Variants in DDX28 observed in about 807,000 individuals in gnomAD.
DDX28 encodes DEAD-box helicase 28, also known as probable ATP-dependent RNA helicase DDX28.
A neutral mutation model predicts 26.8 loss-of-function variants in DDX28; 25 were observed. That is an observed-to-expected ratio of 0.93 (90% CI 0.68 to 1.30). DDX28 has a LOEUF of 1.30. Among genes scored for constraint, DDX28 ranks in the 50% most tolerant of loss-of-function variants. The pLI is 0.00. For synonymous variants in DDX28, 370 were observed against 311.9 expected, an observed-to-expected ratio of 1.19 and a Z score of -1.96; for missense variants, 790 against 695.1, an observed-to-expected ratio of 1.14 and a Z score of -1.53.
rs746480043 is a variant in DDX28, at chr16:68,022,233, C to A, written c.970G>T (p.Ala324Ser). 3 of 1,614,238 alleles carry A rather than the reference C, an allele frequency of 1.9e-6. 1 individual carries two copies. The South Asian group carries it at 3.3e-5, about 18-fold the overall frequency. ...ADLEDPFNPK[A>S]QLVLVGATFP... ...GTGGCTCCTACCAGCACTAACTGAG[C>A]TTTGGGATTGAAGGGGTCTTCCAAG... The change falls in exon 1 of 1, where the codon GCT becomes TCT. Residue 324 changes from alanine to serine, a missense_variant. Coordinates refer to ENST00000332395, the MANE Select transcript of DDX28 (RefSeq NM_018380.4).
rs748709285 is a variant in DDX28 at position 68,021,531 on chromosome 16, T to C, written c.*49A>G. 8.3e-6 allele frequency: 13 copies of C among 1,571,260 alleles called. No individual in the cohort carries two copies. The highest frequency in any genetic ancestry group is 3.5e-6 in the Non-Finnish European group (4 of 1,156,494). On this transcript the variant is annotated 3_prime_UTR_variant, in exon 1 of 1. Transcript: ENST00000332395. ...AAGTGTGGTCACCCACTCAAGATACTGGGAAAGATCCCTGTTCTAGCATCA... is the reference window on the plus strand; with the variant it reads ...AAGTGTGGTCACCCACTCAAGATACCGGGAAAGATCCCTGTTCTAGCATCA...
rs1216388585 is a variant in DDX28, at chr16:68,022,558, C to G, written c.645G>C (p.Leu215Phe). 3 of 1,613,818 alleles carry G rather than the reference C, an allele frequency of 1.9e-6. No individual in the cohort carries two copies. The highest frequency in any genetic ancestry group is 2.5e-6 in the Non-Finnish European group (3 of 1,180,016). ...GGGCCACAGCCCGCACCTGTTGGGC[C>G]AATTCTCGGGAAGGAACAAGGACCA... ...RGLVLVPSRELAQQVRAVAQP... is the reference protein window; with the variant it reads ...RGLVLVPSREFAQQVRAVAQP... The change falls in exon 1 of 1, where the codon TTG becomes TTC. Residue 215 changes from leucine to phenylalanine, a missense_variant. Transcript: ENST00000332395.
Position 68,021,520 on chromosome 16 carries a change from A to C in DDX28, c.*60T>G. The C allele has an allele frequency of 6.4e-7, 1 of 1,556,498 alleles. No homozygotes were observed. The highest frequency in any genetic ancestry group is 8.7e-7 in the Non-Finnish European group (1 of 1,147,480). ...CTCCCACTGACAAGTGTGGTCACCC[A>C]CTCAAGATACTGGGAAAGATCCCTG... is the stretch of plus-strand genomic sequence containing the variant. On this transcript the variant is annotated 3_prime_UTR_variant, in exon 1 of 1. Transcript: ENST00000332395.
chr16:68,022,620 T>C lies in DDX28; in HGVS notation c.583A>G (p.Ser195Gly), dbSNP rs1598294947. 1.9e-6 allele frequency: 3 copies of C among 1,613,426 alleles called. No homozygotes were observed. The highest frequency in any genetic ancestry group is 1.7e-6 in the Non-Finnish European group (2 of 1,179,918). ...GCGGGGATAGGAAGGGAGTCCAGGC[T>C]TGGCTGGCCCAAGAGCCGTTGAAGC... ...PLLQRLLGQP[S>G]LDSLPIPAPR... Residue 195 changes from serine (S) to glycine (G), a missense_variant, in exon 1 of 1, where the codon AGC (serine) becomes GGC (glycine). Coordinates refer to ENST00000332395, the MANE Select transcript of DDX28 (RefSeq NM_018380.4).
In DDX28 at chr16:68,022,187, T is replaced by A. The variant is rs1283942012; in HGVS notation, c.1016A>T (p.Gln339Leu). ...VGATFPEGVG[Q>L]LLNKVASPDA... is the part of the protein sequence containing the mutation. ...TGGGCTGGCGACTTTATTCAGCAAC[T>A]GGCCTACACCTTCGGGAAATGTGGC... The change falls in exon 1 of 1, where the codon CAG becomes CTG. Residue 339 changes from glutamine (Q) to leucine (L), a missense_variant. Transcript: ENST00000332395. 5 of 1,614,200 alleles carry A rather than the reference T, an allele frequency of 3.1e-6. No individual in the cohort carries two copies. In the Admixed American group the frequency reaches 6.7e-5, roughly 22 times the overall value.
rs780811590 is a variant in DDX28 at position 68,023,214 on chromosome 16, T to G, written c.-12A>C. The G allele has an allele frequency of 6.2e-7, 1 of 1,602,654 alleles. No individual in the cohort carries two copies. Among genetic ancestry groups the G allele is most frequent in the South Asian group, 1.1e-5 (1 of 89,940 alleles). On this transcript the variant is annotated 5_prime_UTR_variant, in exon 1 of 1. Transcript: ENST00000332395. Reference sequence around the variant, plus strand: ...CGCGTTAGAGCCATGTTTCCCTTAGTGCGGGAGAAGCGCACATCAGTGACG... The same window carrying G: ...CGCGTTAGAGCCATGTTTCCCTTAGGGCGGGAGAAGCGCACATCAGTGACG...
chr16:68,021,447 C>T lies in DDX28; in HGVS notation c.*133G>A. The T allele has an allele frequency of 1.1e-6, 1 of 924,694 alleles. No homozygotes were observed. Among genetic ancestry groups the T allele is most frequent in the Non-Finnish European group, 1.6e-6 (1 of 625,066 alleles). The allele number at this position is 924,694 out of a possible 1,614,324, so 57.3% of individuals were successfully genotyped here. On this transcript the variant is annotated 3_prime_UTR_variant, in exon 1 of 1. Coordinates refer to ENST00000332395, the MANE Select transcript of DDX28 (RefSeq NM_018380.4). ...GCCAGCAGCGTACCTTTCCAAGTCA[C>T]AAAGCAGTTCATCCCGCCCTCAAGG...
Position 68,021,509 on chromosome 16 carries a change from T to G in DDX28, c.*71A>C. ...CAGCCCAGAGCCTCCCACTGACAAG[T>G]GTGGTCACCCACTCAAGATACTGGG... On this transcript the variant is annotated 3_prime_UTR_variant, in exon 1 of 1. Coordinates refer to ENST00000332395, the MANE Select transcript of DDX28 (RefSeq NM_018380.4). 6.6e-7 allele frequency: 1 copy of G among 1,525,926 alleles called. No homozygotes were observed. Among genetic ancestry groups the G allele is most frequent in the Admixed American group, 1.9e-5 (1 of 52,782 alleles). 94.5% of individuals were successfully genotyped at this position (1,525,926 alleles called of 1,614,324 possible). A position where few individuals can be genotyped will look rare whatever the true frequency, so the allele number is the denominator to read the frequency against.
rs200017416 is a variant in DDX28, at chr16:68,023,105, A to T, written c.98T>A (p.Leu33Gln). 77 of 1,603,438 alleles carry T rather than the reference A, an allele frequency of 4.8e-5. No individual in the cohort carries two copies. Among genetic ancestry groups the T allele is most frequent in the Non-Finnish European group, 6.4e-5 (76 of 1,179,814 alleles). The change falls in exon 1 of 1, where the codon CTG (leucine) becomes CAG (glutamine). Residue 33 changes from leucine (L) to glutamine (Q), a missense_variant. Leu to Gln is a moderately radical substitution (Grantham distance 113, BLOSUM62 -2). Transcript: ENST00000332395. ...AGCCACTGGGATGCGCACCACCGGC[A>T]GGGGTTCGTCGGGACTGCGGACCGT... The part of the protein sequence containing the change: ...GLTVRSPDEP[L>Q]PVVRIPVALQ...
chr16:68,022,261 A>C lies in DDX28; in HGVS notation c.942T>G (p.Ala314=). Residue 314 remains alanine (A), a synonymous_variant, in exon 1 of 1, where the codon GCT becomes GCG. Coordinates refer to ENST00000332395, the MANE Select transcript of DDX28 (RefSeq NM_018380.4). ...LEKSHIAEGP[A]DLEDPFNPKA... is the part of the protein sequence containing the mutation. ...TGGGATTGAAGGGGTCTTCCAAGTC[A>C]GCTGGGCCTTCTGCTATGTGGCTCT... The C allele has an allele frequency of 1.2e-6, 2 of 1,614,194 alleles. No homozygotes were observed. The highest frequency in any genetic ancestry group is 1.7e-6 in the Non-Finnish European group (2 of 1,180,002).
At position 68,021,260 on chromosome 16, in the gene DDX28, CAG is replaced by C. The variant is rs1308768443; in HGVS notation, c.*318_*319del. ...TGTGGAGGTTTGGTGTATGAATCCT[CAG>C]AAACTACTGAATTCCGCCCCGGTGC... On this transcript the variant is annotated 3_prime_UTR_variant, in exon 1 of 1. Transcript: ENST00000332395. 1 of 324,216 alleles carries C rather than the reference CAG, an allele frequency of 3.1e-6. No homozygotes were observed. The highest frequency in any genetic ancestry group is 4.7e-5 in the Admixed American group (1 of 21,234). The allele number at this position is 324,216 out of a possible 1,614,324, so 20.1% of individuals were successfully genotyped here.
In DDX28 at chr16:68,021,858, C is replaced by A. The variant is rs1440378492; in HGVS notation, c.1345G>T (p.Asp449Tyr). Residue 449 changes from aspartate (D) to tyrosine (Y), a missense_variant, in exon 1 of 1, where the codon GAC (aspartate) becomes TAC (tyrosine). Asp to Tyr is a radical substitution (Grantham distance 160). Coordinates refer to ENST00000332395, the MANE Select transcript of DDX28 (RefSeq NM_018380.4). ...GCTATGTCTGTGCAGAGAAGTATGT[C>A]TCGGGAGCTCTTCTGGAAGGACTGG... The part of the protein sequence containing the change: ...IFQSFQKSSR[D>Y]ILLCTDIASR... The A allele has an allele frequency of 1.9e-6, 3 of 1,614,098 alleles. No homozygotes were observed. The Admixed American group carries it at 5.0e-5, about 27-fold the overall frequency.
rs1404081867 is a variant in DDX28, at chr16:68,022,241, T to C, written c.962A>G (p.Asn321Ser). Residue 321 changes from asparagine to serine, a missense_variant, in exon 1 of 1, where the codon AAT becomes AGT. Physicochemically the swap from Asn to Ser is conservative, Grantham distance 46 (BLOSUM62 1). Transcript: ENST00000332395. ...EGPADLEDPFNPKAQLVLVGA... is the reference protein window; with the variant it reads ...EGPADLEDPFSPKAQLVLVGA... ...TACCAGCACTAACTGAGCTTTGGGA[T>C]TGAAGGGGTCTTCCAAGTCAGCTGG... 2.2e-5 allele frequency: 35 copies of C among 1,614,104 alleles called. No homozygotes were observed. Among genetic ancestry groups the C allele is most frequent in the Non-Finnish European group, 3.0e-5 (35 of 1,180,044 alleles).
In DDX28 at chr16:68,022,264, T is replaced by C. The variant is rs2033255909; in HGVS notation, c.939A>G (p.Pro313=). The C allele has an allele frequency of 1.2e-6, 2 of 1,614,102 alleles. No homozygotes were observed. The highest frequency in any genetic ancestry group is 2.7e-5 in the African/African-American group (2 of 74,946). ...ILEKSHIAEG[P]ADLEDPFNPK... ...GATTGAAGGGGTCTTCCAAGTCAGC[T>C]GGGCCTTCTGCTATGTGGCTCTTCT... Residue 313 remains proline, a synonymous_variant, in exon 1 of 1, where the codon CCA becomes CCG. Coordinates refer to ENST00000332395, the MANE Select transcript of DDX28 (RefSeq NM_018380.4).
Position 68,021,993 on chromosome 16 carries a change from A to T in DDX28, c.1210T>A (p.Cys404Ser). ...TGPSGTVLVF[C>S]NSSSTVNWLG... ...CAGTTCACAGTGCTGGAGCTATTAC[A>T]GAACACCAGAACAGTTCCTGAGGGA... is the stretch of plus-strand genomic sequence containing the variant. Residue 404 changes from cysteine to serine, a missense_variant, in exon 1 of 1, where the codon TGT becomes AGT. Physicochemically the swap from Cys to Ser is moderately radical, Grantham distance 112. Coordinates refer to ENST00000332395, the MANE Select transcript of DDX28 (RefSeq NM_018380.4). 6.2e-7 allele frequency: 1 copy of T among 1,614,232 alleles called. No homozygotes were observed. The highest frequency in any genetic ancestry group is 8.5e-7 in the Non-Finnish European group (1 of 1,180,050).
chr16:68,022,856 G>A lies in DDX28; in HGVS notation c.347C>T (p.Ala116Val). Reference sequence around the variant, plus strand: ...AGACGAGAGCTTTCGCACCGCTGGCGCCTCCTGTTGCGCGCGCTCGATGGA... The same window carrying A: ...AGACGAGAGCTTTCGCACCGCTGGCACCTCCTGTTGCGCGCGCTCGATGGA... ...HFSIERAQQE[A>V]PAVRKLSSKG... Residue 116 changes from alanine (A) to valine (V), a missense_variant, in exon 1 of 1, where the codon GCG becomes GTG. Transcript: ENST00000332395. The A allele has an allele frequency of 6.4e-7, 1 of 1,569,882 alleles. No homozygotes were observed. The highest frequency in any genetic ancestry group is 8.6e-7 in the Non-Finnish European group (1 of 1,158,410).
rs2033276978 is a variant in DDX28, at chr16:68,023,012, G to A, written c.191C>T (p.Pro64Leu). 2 of 1,576,768 alleles carry A rather than the reference G, an allele frequency of 1.3e-6. No individual in the cohort carries two copies. The highest frequency in any genetic ancestry group is 1.3e-5 in the African/African-American group (1 of 74,282). The change falls in exon 1 of 1, where the codon CCC becomes CTC. Residue 64 changes from proline to leucine, a missense_variant. Coordinates refer to ENST00000332395, the MANE Select transcript of DDX28 (RefSeq NM_018380.4). ...RNLPRPVLVR[P>L]GPLLVSARRP... ...CCGCGCCGAAACCAGCAGCGGTCCG[G>A]GTCGAACCAGCACCGGCCTCGGGAG... is the stretch of plus-strand genomic sequence containing the variant.
At position 68,022,529 on chromosome 16, in the gene DDX28, G is replaced by A. The variant is rs2151403696; in HGVS notation, c.674C>T (p.Pro225Leu). The part of the protein sequence containing the change: ...LAQQVRAVAQ[P>L]LGRSLGLLVR... Reference sequence around the variant, plus strand: ...CAGCAGGCCCAAGGAGCGGCCCAAGGGTTGGGCCACAGCCCGCACCTGTTG... The same window carrying A: ...CAGCAGGCCCAAGGAGCGGCCCAAGAGTTGGGCCACAGCCCGCACCTGTTG... Residue 225 changes from proline to leucine, a missense_variant, in exon 1 of 1, where the codon CCC becomes CTC. Transcript: ENST00000332395. 2 of 1,613,964 alleles carry A rather than the reference G, an allele frequency of 1.2e-6. No individual in the cohort carries two copies. Among genetic ancestry groups the A allele is most frequent in the South Asian group, 1.1e-5 (1 of 91,088 alleles).
rs779014801 is a variant in DDX28, at chr16:68,021,910, C to G, written c.1293G>C (p.Met431Ile). 6.2e-7 allele frequency: 1 copy of G among 1,614,202 alleles called. No homozygotes were observed. The highest frequency in any genetic ancestry group is 8.5e-7 in the Non-Finnish European group (1 of 1,180,032). Residue 431 changes from methionine to isoleucine, a missense_variant, in exon 1 of 1, where the codon ATG becomes ATC. By Grantham distance (10) the Met-to-Ile change is conservative. Transcript: ENST00000332395. ...AGATTCCTACCCTCATCAAGGCTGG[C>G]ATTTGCCCCTGCAACCTTAGGTGTT... Reference protein sequence around the residue: ...KIQHLRLQGQMPALMRVGIFQ... With the variant: ...KIQHLRLQGQIPALMRVGIFQ...
Sources: gnomAD v4.1 joint callset for allele counts on GRCh38, gnomAD v4.1.1 for gene constraint, MANE v1.5 for transcripts, NCBI Gene and HGNC (gene_info 2026-07-23, HGNC 2026-07-21) for gene names.